The following TTLL4 variants were observed in gnomAD, a reference collection of about 807,000 sequenced individuals.
TTLL4 encodes the protein tubulin tyrosine ligase like 4.
Under a neutral mutation model 122.7 loss-of-function variants are expected in TTLL4, and 85 were observed. The ratio of observed to expected loss-of-function variants is 0.69; its 90% confidence interval spans 0.58 to 0.83. The LOEUF (loss-of-function observed/expected upper bound fraction) is 0.83, where lower values mean the gene tolerates loss of function less well. TTLL4 is among the 40% of genes least tolerant of loss of function. TTLL4 has a pLI of 0.00. For synonymous variants in TTLL4, 553 were observed against 563.0 expected, an observed-to-expected ratio of 0.98 and a Z score of 0.25; for missense variants, 1,363 against 1,488.6, an observed-to-expected ratio of 0.92 and a Z score of 1.39.
At position 218,738,239 on chromosome 2, in the gene TTLL4, C is replaced by G. The variant is rs182497441; in HGVS notation, c.563C>G (p.Ala188Gly). The change falls in exon 3 of 20, where the codon GCT becomes GGT. Residue 188 changes from alanine to glycine, a missense_variant. Ala to Gly is a moderately conservative substitution (Grantham distance 60). This residue lies in a region of TTLL4 where 760 missense variants were observed against 808.4 expected (regional missense o/e 0.94). Coordinates refer to ENST00000392102, the MANE Select transcript of TTLL4 (RefSeq NM_014640.5). ...STEPYLCLAA[A>G]GENPSGKSLA... ...GAACCATACCTCTGCTTGGCAGCGG[C>G]TGGGGAAAACCCTTCAGGGAAGAGC... 9.3e-6 allele frequency: 15 copies of G among 1,614,040 alleles called. No individual in the cohort carries two copies. In the Admixed American group the frequency reaches 2.0e-4, roughly 22 times the overall value.
intron 1 of TTLL4, among the ~76,000 whole-genome samples, chr2:218,726,049 T>G (rs930608495): frequency 1.3e-5 from 2 of 152,164 alleles, no homozygotes; most frequent in African/African-American, 4.8e-5. Flanking sequence ...ATGTTAATTT[T>G]TTTTTCCCCT....
chr2:218,729,773 A>AAAAAAAC (rs1942313383), intron 2 of TTLL4, among the ~76,000 whole-genome samples: 1 of 151,182 alleles, frequency 6.6e-6, no homozygotes, highest in African/African-American at 2.4e-5. Flanking sequence ...CAAAAAAAAA[A>AAAAAAAC]AAAACAGGAT....
At chr2:218,748,791 A>T in intron 12 of TTLL4, 45 bp from the exon 13 acceptor site, 2 of 1,563,410 alleles carry the variant, frequency 1.3e-6, no homozygotes, top group East Asian at 2.3e-5. Context: ...TTTGTCACTC[A>T]TTCCTAGAAT....
At chr2:218,749,464 GTTC>G (rs1164049409) in intron 14 of TTLL4, 77 bp downstream of exon 14, 22 of 1,424,572 alleles carry the variant, frequency 1.5e-5, no homozygotes, top group East Asian at 7.5e-5. Context: ...CCAGTAAGTT[GTTC>G]TTTTTTTTTT....
At chr2:218,740,616 G>T in intron 5 of TTLL4, 32 bp downstream of exon 5, 1 of 1,609,834 alleles carries the variant, frequency 6.2e-7, no homozygotes, top group South Asian at 1.1e-5. Flanking sequence ...ATTGTTACAT[G>T]CTCATCTTTT....
At chr2:218,739,756 T>C (rs1228801856) in intron 3 of TTLL4, among the ~76,000 whole-genome samples, 1 of 152,246 alleles carries the variant, frequency 6.6e-6, no homozygotes, top group Non-Finnish European at 1.5e-5. Flanking sequence ...ACATTTCAAG[T>C]CAATTACCAG....
chr2:218,751,922 T>TTTG, intron 16 of TTLL4, 116 bp downstream of exon 16: 1 of 645,970 alleles, frequency 1.5e-6, no homozygotes, highest in South Asian at 2.2e-5. Flanking sequence ...TTTTTTTTTT[T>TTTG]TTGAGATAGA....
At chr2:218,717,997 A>C (rs1013233950) in intron 1 of TTLL4, among the ~76,000 whole-genome samples, 3 of 151,980 alleles carry the variant, frequency 2.0e-5, no homozygotes, top group African/African-American at 7.2e-5. Flanking sequence ...CACCGTGTTA[A>C]CCAGGATGGT....
intron 5 of TTLL4, 74 bp from the exon 6 acceptor site, chr2:218,745,035 G>T: frequency 6.4e-7 from 1 of 1,558,194 alleles, no homozygotes; most frequent in East Asian, 2.3e-5. Flanking sequence ...GAAATAAATC[G>T]TACGTCGTAG....
At position 218,748,219 on chromosome 2, in the gene TTLL4, C is replaced by T; in HGVS notation, c.2493C>T (p.Gly831=). ...ATGCAGATGAAATGGCTTGCCAGGG[C>T]CACAAATGGTACTGAGGGCAGAGTG... The part of the protein sequence containing the change: ...QANADEMACQ[G]HKWALKALWN... The change falls in exon 12 of 20, where the codon GGC becomes GGT. Residue 831 remains glycine (G), a synonymous_variant. Transcript: ENST00000392102. 1 of 1,614,038 alleles carries T rather than the reference C, an allele frequency of 6.2e-7. No individual in the cohort carries two copies. The highest frequency in any genetic ancestry group is 1.1e-5 in the South Asian group (1 of 91,074).
At chr2:218,735,116 C>T (rs1559364591) in intron 2 of TTLL4, among the ~76,000 whole-genome samples, 1 of 152,134 alleles carries the variant, frequency 6.6e-6, no homozygotes, top group Admixed American at 6.5e-5. Context: ...GTAAAGAGGG[C>T]GATATCCCAT....
chr2:218,753,418 C>G, intron 18 of TTLL4, 166 bp from the exon 19 acceptor site: 1 of 839,718 alleles, frequency 1.2e-6, no homozygotes, highest in South Asian at 1.6e-5. Context: ...TTGTTTGATT[C>G]AGAAGAGAAC....
chr2:218,716,836 A>G (rs998100505), intron 1 of TTLL4, among the ~76,000 whole-genome samples: 1 of 152,136 alleles, frequency 6.6e-6, no homozygotes, highest in African/African-American at 2.4e-5. Context: ...ACCTGGTTGT[A>G]TTCTTTCACT....
rs1447213897 is a variant in TTLL4 at position 218,739,015 on chromosome 2, G to A, written c.1339G>A (p.Gly447Arg). The change falls in exon 3 of 20, where the codon GGA (glycine) becomes AGA (arginine). Residue 447 changes from glycine (G) to arginine (R), a missense_variant. Gly to Arg is a moderately radical substitution (Grantham distance 125, BLOSUM62 -2). This residue lies in a region of TTLL4 where 760 missense variants were observed against 808.4 expected (regional missense o/e 0.94). Coordinates refer to ENST00000392102, the MANE Select transcript of TTLL4 (RefSeq NM_014640.5). The stretch of plus-strand genomic sequence containing the variant: ...ATCTGTAATTGACTCCTCAGCATTT[G>A]GAGAAGGCAAAGCTCCAGGTCCCCC... Reference protein sequence around the residue: ...CESVIDSSAFGEGKAPGPPFP... With the variant: ...CESVIDSSAFREGKAPGPPFP... 1.2e-6 allele frequency: 2 copies of A among 1,614,036 alleles called. No homozygotes were observed. The highest frequency in any genetic ancestry group is 1.7e-6 in the Non-Finnish European group (2 of 1,180,030).
At chr2:218,735,417 T>C (rs1042024732) in intron 2 of TTLL4, among the ~76,000 whole-genome samples, 1 of 151,824 alleles carries the variant, frequency 6.6e-6, no homozygotes, top group Non-Finnish European at 1.5e-5. Context: ...TAAAAAAATT[T>C]AAAAAAATCA....
chr2:218,747,256 C>T lies in TTLL4; in HGVS notation c.2167-34C>T. The T allele has an allele frequency of 6.2e-7, 1 of 1,614,052 alleles. No homozygotes were observed. The highest frequency in any genetic ancestry group is 8.5e-7 in the Non-Finnish European group (1 of 1,179,990). On this transcript the variant is annotated intron_variant, in intron 9 of 19. Transcript: ENST00000392102. The surrounding 1 kb of genome is among the most constrained non-coding windows in gnomAD (Gnocchi z 4.7). ...TGAGTGGGAACAACAGAGTATTGGA[C>T]CTGGAGCAAATCTCATCTCCTTTCT...
At position 218,752,877 on chromosome 2, in the gene TTLL4, A is replaced by T. The variant is rs759194101; in HGVS notation, c.3091A>T (p.Ile1031Phe). 1 of 1,614,108 alleles carries T rather than the reference A, an allele frequency of 6.2e-7. No homozygotes were observed. Residue 1031 changes from isoleucine to phenylalanine, a missense_variant, in exon 17 of 20, where the codon ATC becomes TTC. Transcript: ENST00000392102. ...GQFERIFPSH[I>F]SSRYLRFFEQ... The stretch of plus-strand genomic sequence containing the variant: ...GTTTGAACGAATTTTTCCTTCTCAT[A>T]TCTCCTCTCGCTATCTCCGCTTTTT...
Position 218,740,412 on chromosome 2 carries a change from TC to T in TTLL4, c.1598-105del. On this transcript the variant is annotated intron_variant, in intron 4 of 19. Coordinates refer to ENST00000392102, the MANE Select transcript of TTLL4 (RefSeq NM_014640.5). The stretch of plus-strand genomic sequence containing the variant: ...AAAGCAGCGGGGTGGTGCTTGTGGC[TC>T]CCCAAGAAGGGTTGAGCCCAGGATA... 3 of 1,228,128 alleles carry T rather than the reference TC, an allele frequency of 2.4e-6. No homozygotes were observed. The South Asian group carries it at 3.7e-5, about 15-fold the overall frequency. The allele number at this position is 1,228,128 out of a possible 1,614,324, so 76.1% of individuals were successfully genotyped here. A position where few individuals can be genotyped will look rare whatever the true frequency, so the allele number is the denominator to read the frequency against.
chr2:218,746,299 G>C, intron 8 of TTLL4, 68 bp downstream of exon 8: 1 of 1,546,290 alleles, frequency 6.5e-7, no homozygotes, highest in Non-Finnish European at 8.9e-7. Flanking sequence ...GGGATGATGT[G>C]AGTAGGGGGT....
Sources: allele counts gnomAD v4.1 joint callset (sites outside exome capture counted in the v4.1 genomes callset), GRCh38; gene constraint gnomAD v4.1.1; regional missense constraint gnomAD v4.1.1; non-coding constraint Gnocchi (gnomAD v3.1); transcripts MANE v1.5; gene names NCBI Gene and HGNC (gene_info 2026-07-23, HGNC 2026-07-21).